PKHD1: variants seen among roughly 807,000 people sequenced by gnomAD.
PKHD1 encodes the protein PKHD1 ciliary IPT domain containing fibrocystin/polyductin, also known as fibrocystin.
In PKHD1, 291 loss-of-function variants were observed where a neutral mutation model predicts 412.0. That is an observed-to-expected ratio of 0.71 (90% CI 0.64 to 0.78). The LOEUF (loss-of-function observed/expected upper bound fraction) is 0.78, where lower values mean the gene tolerates loss of function less well. Ranked by LOEUF, PKHD1 falls within the 30% of genes least tolerant of loss-of-function variation. The pLI, the probability that PKHD1 is intolerant of heterozygous loss-of-function variation, is 0.00. For synonymous variants in PKHD1, 1,777 were observed against 1,821.5 expected, an observed-to-expected ratio of 0.98 and a Z score of 0.62; for missense variants, 4,825 against 4,950.7, an observed-to-expected ratio of 0.97 and a Z score of 0.76.
At position 51,976,944 on chromosome 6, in the gene PKHD1, T is replaced by TAAAAAAAAAAAAAAAAAAA. The variant is rs10671492; in HGVS notation, c.5752-16937_5752-16919dup. Among the ~76,000 whole-genome samples, 260 of 93,476 alleles carry TAAAAAAAAAAAAAAAAAAA rather than the reference T, an allele frequency of 2.8e-3. 8 individuals are homozygous for TAAAAAAAAAAAAAAAAAAA. Among genetic ancestry groups the TAAAAAAAAAAAAAAAAAAA allele is most frequent in the African/African-American group, 0.011 (246 of 21,872 alleles). 61.3% of individuals were successfully genotyped at this position (93,476 alleles called of 152,430 possible). A position where few individuals can be genotyped will look rare whatever the true frequency, so the allele number is the denominator to read the frequency against. Reference sequence around the variant, plus strand: ...GCCTGGGTGATAGAGTGAGACTCCATAAAAAAAAAAAAAAAAAAAACCTGA... The same window carrying TAAAAAAAAAAAAAAAAAAA: ...GCCTGGGTGATAGAGTGAGACTCCATAAAAAAAAAAAAAAAAAAAAAAAAAAAAAAAAAAAAAAACCTGA... On this transcript the variant is annotated intron_variant, in intron 35 of 66. Coordinates refer to ENST00000371117, the MANE Select transcript of PKHD1 (RefSeq NM_138694.4).
Position 52,022,819 on chromosome 6 carries a change from A to C in PKHD1, c.5362T>G (p.Leu1788Val). ...ANATVSAFSC[L>V]VLPLDVSLAF... ...TACTCACCATCCAGGGGCAGAACCA[A>C]GCAGCTGAAGGCAGACACTGTAGCA... The change falls in exon 33 of 67, where the codon TTG becomes GTG. Residue 1788 changes from leucine to valine, a missense_variant. By Grantham distance (32) the Leu-to-Val change is conservative. Transcript: ENST00000371117. 6.2e-7 allele frequency: 1 copy of C among 1,614,136 alleles called. No individual in the cohort carries two copies. The highest frequency in any genetic ancestry group is 8.5e-7 in the Non-Finnish European group (1 of 1,180,018).
chr6:51,771,876 A>C (rs994347749), intron 55 of PKHD1, among the ~76,000 whole-genome samples: 1 of 152,044 alleles, frequency 6.6e-6, no homozygotes, highest in Non-Finnish European at 1.5e-5. Context: ...CGATCTTCCC[A>C]CATGTGATGG....
At chr6:51,748,762 G>T (rs1040975678) in intron 57 of PKHD1, 97 bp from the exon 58 acceptor site, 2 of 962,882 alleles carry the variant, frequency 2.1e-6, no homozygotes, top group Non-Finnish European at 3.4e-6. Flanking sequence ...CATTTTTAAT[G>T]AAAATGTAAG....
At chr6:51,967,204 C>T (rs1435107914) in intron 35 of PKHD1, among the ~76,000 whole-genome samples, 1 of 152,086 alleles carries the variant, frequency 6.6e-6, no homozygotes, top group Non-Finnish European at 1.5e-5. Context: ...CTACAGTCCA[C>T]AACCCACTAT....
At chr6:51,750,467 T>C (rs778677924) in intron 57 of PKHD1, among the ~76,000 whole-genome samples, 1 of 152,140 alleles carries the variant, frequency 6.6e-6, no homozygotes, top group Non-Finnish European at 1.5e-5. Flanking sequence ...TGTTATTTCC[T>C]AGGTTTCTTA....
chr6:51,715,497 C>T (rs1582241414), intron 60 of PKHD1, among the ~76,000 whole-genome samples: 3 of 152,210 alleles, frequency 2.0e-5, no homozygotes, highest in East Asian at 3.9e-4. Flanking sequence ...AAATTAAAGG[C>T]TATTTTATTA....
At chr6:51,737,762 G>T (rs1249965550) in intron 60 of PKHD1, among the ~76,000 whole-genome samples, 1 of 151,490 alleles carries the variant, frequency 6.6e-6, no homozygotes, top group Non-Finnish European at 1.5e-5. Context: ...TTAACTCAAA[G>T]GTCTGGACTT....
At chr6:51,975,633 A>AAAC (rs1794283091) in intron 35 of PKHD1, 1 of 151,212 alleles carries the variant, frequency 6.6e-6, no homozygotes, top group Non-Finnish European at 1.5e-5. Flanking sequence ...CCATAAAAAA[A>AAAC]AAAAAAAACA....
chr6:51,880,812 A>C (rs1233937109), intron 46 of PKHD1, among the ~76,000 whole-genome samples: 2 of 123,162 alleles, frequency 1.6e-5, no homozygotes, highest in Non-Finnish European at 3.3e-5. Context: ...AAAAAACACA[A>C]AAAATTAGCC....
At position 51,950,582 on chromosome 6, in the gene PKHD1, T is replaced by C. The variant is rs529499197; in HGVS notation, c.5908+9288A>G. 1.4e-4 allele frequency among the ~76,000 whole-genome samples: 21 copies of C among 152,142 alleles called. No individual in the cohort carries two copies. In the South Asian group the frequency reaches 4.1e-3, roughly 30 times the overall value. Reference sequence around the variant, plus strand: ...AGACTACTGGGCCTCATTCCCAGAGTAGGTTTACTGTAGAGCTCCCAAATT... The same window carrying C: ...AGACTACTGGGCCTCATTCCCAGAGCAGGTTTACTGTAGAGCTCCCAAATT... On this transcript the variant is annotated intron_variant, in intron 36 of 66. Coordinates refer to ENST00000371117, the MANE Select transcript of PKHD1 (RefSeq NM_138694.4).
rs7753669 is a variant in PKHD1, at chr6:51,850,793, T to C, written c.7912-2823A>G. 9.5e-3 allele frequency among the ~76,000 whole-genome samples: 1,452 copies of C among 152,290 alleles called. 25 individuals are homozygous for C. The highest frequency in any genetic ancestry group is 0.032 in the African/African-American group (1,341 of 41,554). On this transcript the variant is annotated intron_variant, in intron 49 of 66. Transcript: ENST00000371117. ...GTTGCTTATCAGTTCAAGAAATTTT[T>C]TGACTGAGATGATGGGGTTTTCTAA...
At chr6:51,707,066 G>C (rs1450204317) in intron 60 of PKHD1, among the ~76,000 whole-genome samples, 1 of 152,018 alleles carries the variant, frequency 6.6e-6, no homozygotes, top group Non-Finnish European at 1.5e-5. Context: ...TATAAGAATT[G>C]CTTTATATCA....
intron 52 of PKHD1, among the ~76,000 whole-genome samples, chr6:51,817,053 C>A (rs1236581793): frequency 7.2e-6 from 1 of 138,898 alleles, no homozygotes; most frequent in Non-Finnish European, 1.6e-5. Context: ...ATCCGAGGAG[C>A]AAGAGAGAGT....
chr6:51,650,420 C>G (rs977907810), intron 61 of PKHD1, among the ~76,000 whole-genome samples: 1 of 151,106 alleles, frequency 6.6e-6, no homozygotes, highest in Non-Finnish European at 1.5e-5. Flanking sequence ...TCCTCAATAG[C>G]CTAGGCCAGG....
At chr6:51,662,739 G>T (rs1773067478) in intron 60 of PKHD1, among the ~76,000 whole-genome samples, 1 of 151,550 alleles carries the variant, frequency 6.6e-6, no homozygotes, top group South Asian at 2.1e-4. Context: ...AGAATGAAAG[G>T]ATTATCATTA....
chr6:52,046,511 C>T (rs942642637), intron 23 of PKHD1, among the ~76,000 whole-genome samples: 2 of 152,144 alleles, frequency 1.3e-5, no homozygotes, highest in Non-Finnish European at 2.9e-5. Flanking sequence ...CCTTGTAATG[C>T]CTGAAAGCAT....
At chr6:51,941,106 G>A (rs898409808) in intron 36 of PKHD1, among the ~76,000 whole-genome samples, 6 of 150,672 alleles carry the variant, frequency 4.0e-5, no homozygotes, top group Admixed American at 2.0e-4. Context: ...CCTCCTTGGC[G>A]ACTGATCATG....
At chr6:52,071,174 T>TA in intron 8 of PKHD1, 104 bp from the exon 9 acceptor site, 1 of 800,048 alleles carries the variant, frequency 1.2e-6, no homozygotes, top group Non-Finnish European at 2.3e-6. Flanking sequence ...CCAAATTTGC[T>TA]AGAGAAAATG....
intron 35 of PKHD1, among the ~76,000 whole-genome samples, chr6:52,007,016 T>C (rs1799167389): frequency 6.6e-6 from 1 of 152,224 alleles, no homozygotes; most frequent in Non-Finnish European, 1.5e-5. Flanking sequence ...ACAAATGCCA[T>C]TAATTTGTTC....
Sources: gnomAD v4.1 joint callset for allele counts (sites outside exome capture counted in the v4.1 genomes callset) on GRCh38, gnomAD v4.1.1 for gene constraint, MANE v1.5 for transcripts, NCBI Gene and HGNC (gene_info 2026-07-23, HGNC 2026-07-21) for gene names.